SAE1: variants seen among roughly 807,000 people sequenced by gnomAD.
SAE1 encodes SUMO-activating enzyme subunit 1.
Under a neutral mutation model 40.6 loss-of-function variants are expected in SAE1, and 11 were observed. The observed-to-expected ratio is 0.27, with a 90% CI of 0.17 to 0.45. The LOEUF is 0.45. Among genes scored for constraint, SAE1 ranks in the 20% least tolerant of loss-of-function variants. The pLI, the probability that SAE1 is intolerant of heterozygous loss-of-function variation, is 1.00. For missense variants in SAE1, 373 were observed against 427.3 expected, an observed-to-expected ratio of 0.87 and a Z score of 1.12; for synonymous variants, 155 against 154.3, an observed-to-expected ratio of 1.00 and a Z score of -0.03.
intron 6 of SAE1, among the ~76,000 whole-genome samples, chr19:47,192,058 A>T (rs1600206715): frequency 6.6e-6 from 1 of 151,572 alleles, no homozygotes; most frequent in East Asian, 1.9e-4. Flanking sequence ...TGTCTCAAAA[A>T]AAAAAAAAGA....
At chr19:47,195,029 G>C (rs2058604921) in intron 6 of SAE1, among the ~76,000 whole-genome samples, 1 of 150,930 alleles carries the variant, frequency 6.6e-6, no homozygotes, top group Non-Finnish European at 1.5e-5. Context: ...AGACGTTACA[G>C]ACGTGAGCCA....
intron 5 of SAE1, among the ~76,000 whole-genome samples, chr19:47,159,680 AT>A (rs1040479545): frequency 6.6e-6 from 1 of 151,828 alleles, no homozygotes; most frequent in Non-Finnish European, 1.5e-5. Context: ...CACCTGGCTA[AT>A]TTTTAATTTT....
intron 6 of SAE1, among the ~76,000 whole-genome samples, chr19:47,175,244 TC>T (rs2058462271): frequency 6.6e-6 from 1 of 151,984 alleles, no homozygotes; most frequent in African/African-American, 2.4e-5. Flanking sequence ...GTTTCCATGT[TC>T]CTGGCACCTA....
chr19:47,169,820 G>C lies in SAE1; in HGVS notation c.630G>C (p.Lys210Asn). 6.2e-7 allele frequency: 1 copy of C among 1,611,594 alleles called. No homozygotes were observed. The highest frequency in any genetic ancestry group is 8.5e-7 in the Non-Finnish European group (1 of 1,177,812). ...DSSETTMVKK[K>N]VVFCPVKEAL... ...GCAGTTCTGCCTTTTTTCCACAGAA[G>C]GTGGTCTTCTGCCCTGTTAAAGAAG... Residue 210 changes from lysine (K) to asparagine (N), a missense_variant and splice_region_variant, in exon 6 of 9, where the codon AAG becomes AAC. Physicochemically the swap from Lys to Asn is moderately conservative, Grantham distance 94. This residue lies in a region of SAE1 where 351 missense variants were observed against 390.6 expected (regional missense o/e 0.90). Coordinates refer to ENST00000270225, the MANE Select transcript of SAE1 (RefSeq NM_005500.3).
At chr19:47,188,900 C>T (rs930115985) in intron 6 of SAE1, among the ~76,000 whole-genome samples, 1 of 147,934 alleles carries the variant, frequency 6.8e-6, no homozygotes, top group Non-Finnish European at 1.5e-5. Context: ...CTGTGGAGGG[C>T]CTGGTCACTT....
At position 47,203,733 on chromosome 19, in the gene SAE1, T is replaced by C. The variant is rs960559161; in HGVS notation, c.941T>C (p.Ile314Thr). The change falls in exon 8 of 9, where the codon ATT becomes ACT. Residue 314 changes from isoleucine (I) to threonine (T), a missense_variant. Ile to Thr is a moderately conservative substitution (Grantham distance 89, BLOSUM62 -1). Coordinates refer to ENST00000270225, the MANE Select transcript of SAE1 (RefSeq NM_005500.3). ...GTTGGAGGGATTTTGGCACAGGAAA[T>C]TGTGAAGGTAAAACATCACTGTGGA... ...AVVGGILAQE[I>T]VKALSQRDPP... 6.2e-7 allele frequency: 1 copy of C among 1,613,816 alleles called. No individual in the cohort carries two copies. Among genetic ancestry groups the C allele is most frequent in the African/African-American group, 1.3e-5 (1 of 74,914 alleles).
intron 8 of SAE1, among the ~76,000 whole-genome samples, chr19:47,207,888 G>A (rs774524549): frequency 2.9e-4 from 44 of 151,904 alleles, no homozygotes; most frequent in Admixed American, 1.3e-4. Flanking sequence ...CTCCCGCCTC[G>A]GCCTCCCTAA....
chr19:47,174,563 ATTTTTTT>A (rs71180803), intron 6 of SAE1, among the ~76,000 whole-genome samples: 25 of 88,508 alleles, frequency 2.8e-4, no homozygotes, highest in East Asian at 2.6e-3. Flanking sequence ...CGCCTGGCAA[ATTTTTTT>A]TTTTTTTTTT....
At chr19:47,170,883 A>G (rs1157043275) in intron 6 of SAE1, among the ~76,000 whole-genome samples, 1 of 152,150 alleles carries the variant, frequency 6.6e-6, no homozygotes, top group African/African-American at 2.4e-5. Context: ...TCCTCTTGCT[A>G]TTAATGAACT....
chr19:47,175,474 T>C (rs995469400), intron 6 of SAE1, among the ~76,000 whole-genome samples: 1 of 152,132 alleles, frequency 6.6e-6, no homozygotes, highest in South Asian at 2.1e-4. Context: ...CGGTGGCTTA[T>C]GCCTGTAATC....
At chr19:47,198,378 C>T (rs1428325520) in intron 7 of SAE1, among the ~76,000 whole-genome samples, 2 of 152,136 alleles carry the variant, frequency 1.3e-5, no homozygotes, top group Non-Finnish European at 2.9e-5. Flanking sequence ...TCCCAAAGTG[C>T]TGAGATTACA....
At chr19:47,202,125 A>C (rs2058658963) in intron 7 of SAE1, among the ~76,000 whole-genome samples, 1 of 152,082 alleles carries the variant, frequency 6.6e-6, no homozygotes, top group African/African-American at 2.4e-5. Context: ...CATATGAAAA[A>C]CTAGCATTGC....
At chr19:47,144,555 A>G (rs546672935) in intron 2 of SAE1, among the ~76,000 whole-genome samples, 37 of 148,842 alleles carry the variant, frequency 2.5e-4, no homozygotes, top group African/African-American at 5.7e-4. Flanking sequence ...AAAAATTAGC[A>G]GGGCTTGGTG....
intron 6 of SAE1, among the ~76,000 whole-genome samples, chr19:47,173,289 G>A (rs1489114942): frequency 1.3e-5 from 2 of 152,090 alleles, no homozygotes; most frequent in African/African-American, 2.4e-5. Context: ...GAGCCACCGC[G>A]CCCGGCCCAA....
At chr19:47,185,952 T>C (rs779312324) in intron 6 of SAE1, among the ~76,000 whole-genome samples, 15 of 150,286 alleles carry the variant, frequency 1.0e-4, no homozygotes, top group Non-Finnish European at 1.5e-4. Context: ...AAAAAATGCT[T>C]ATTGGCCCCG....
At position 47,143,454 on chromosome 19, in the gene SAE1, A is replaced by G. The variant is rs375299396; in HGVS notation, c.99-40A>G. The G allele has an allele frequency of 2.7e-6, 4 of 1,493,490 alleles. No homozygotes were observed. In the African/African-American group the frequency reaches 5.5e-5, roughly 21 times the overall value. 92.5% of individuals were successfully genotyped at this position (1,493,490 alleles called of 1,614,324 possible). A position where few individuals can be genotyped will look rare whatever the true frequency, so the allele number is the denominator to read the frequency against. ...TGTTCTTCTGTGATTCTGCAAGCTC[A>G]CTGTTCTGTATCATCAGGTTAACAA... On this transcript the variant is annotated intron_variant, in intron 1 of 8. Transcript: ENST00000270225.
At chr19:47,147,051 A>G (rs1188682324) in intron 2 of SAE1, among the ~76,000 whole-genome samples, 12 of 152,100 alleles carry the variant, frequency 7.9e-5, no homozygotes, top group Non-Finnish European at 1.6e-4. Flanking sequence ...GAGTGGAAAG[A>G]TAAGTAATTC....
intron 2 of SAE1, 33 bp from the exon 3 acceptor site, chr19:47,150,169 C>G: frequency 1.5e-6 from 2 of 1,362,464 alleles, no homozygotes; most frequent in Non-Finnish European, 9.7e-7. Flanking sequence ...CCTAAAAATA[C>G]AAGACTTAAA....
intron 8 of SAE1, 66 bp from the exon 9 acceptor site, chr19:47,209,093 A>ATT: frequency 7.3e-6 from 11 of 1,517,162 alleles, no homozygotes; most frequent in Non-Finnish European, 8.1e-6. Context: ...TGCTTTTAGA[A>ATT]TTTTTTTTTC....
Sources: gnomAD v4.1 joint callset for allele counts (sites outside exome capture counted in the v4.1 genomes callset) on GRCh38, gnomAD v4.1.1 for gene constraint, gnomAD v4.1.1 regional missense constraint, MANE v1.5 for transcripts, NCBI Gene and HGNC (gene_info 2026-07-23, HGNC 2026-07-21) for gene names.